Variants in UNC5C observed in about 807,000 individuals in gnomAD.
UNC5C encodes unc-5 netrin receptor C, also known as netrin receptor UNC5C.
Under a neutral mutation model 99.8 loss-of-function variants are expected in UNC5C, and 47 were observed. That is an observed-to-expected ratio of 0.47 (90% confidence interval 0.37 to 0.60). The LOEUF is 0.60. UNC5C is among the 20% of genes least tolerant of loss of function. The probability of loss-of-function intolerance (pLI) is 0.00; values close to 1 mark genes in which losing one functional copy is unlikely to be tolerated. For synonymous variants in UNC5C, 487 were observed against 452.2 expected, an observed-to-expected ratio of 1.08 and a Z score of -0.98; for missense variants, 1,062 against 1,165.9, an observed-to-expected ratio of 0.91 and a Z score of 1.30.
Position 95,168,586 on chromosome 4 carries a change from GGAATA to G in UNC5C, c.*643_*647del, listed in dbSNP as rs1735952520. 6.6e-6 allele frequency: 1 copy of G among 152,594 alleles called. No homozygotes were observed. The highest frequency in any genetic ancestry group is 2.4e-5 in the African/African-American group (1 of 41,424). The allele number at this position is 152,594 out of a possible 1,614,324, so 9.5% of individuals were successfully genotyped here. A position where few individuals can be genotyped will look rare whatever the true frequency, so the allele number is the denominator to read the frequency against. On this transcript the variant is annotated 3_prime_UTR_variant, in exon 16 of 16. Coordinates refer to ENST00000453304, the MANE Select transcript of UNC5C (RefSeq NM_003728.4). ...AAGGGCACCAGAAGGGTCCCTCCAA[GGAATA>G]GGAGTCTTAGTTATTTCTTTTTTAC...
chr4:95,498,636 A>C (rs1721689814), intron 1 of UNC5C, among the ~76,000 whole-genome samples: 3 of 151,928 alleles, frequency 2.0e-5, no homozygotes, highest in African/African-American at 7.2e-5. Context: ...TAAAATTTTA[A>C]AAACAGTGAA....
chr4:95,346,087 T>C (rs1743761153), intron 1 of UNC5C, among the ~76,000 whole-genome samples: 2 of 151,620 alleles, frequency 1.3e-5, no homozygotes, highest in African/African-American at 4.8e-5. Flanking sequence ...TCAAGTTTTT[T>C]GAAAAAGGAG....
chr4:95,535,953 A>G (rs1404972678), intron 1 of UNC5C, among the ~76,000 whole-genome samples: 2 of 152,036 alleles, frequency 1.3e-5, no homozygotes, highest in African/African-American at 4.8e-5. Flanking sequence ...TTAAAAAATG[A>G]AAGTTATTAA....
chr4:95,201,808 G>T (rs1737676774), intron 12 of UNC5C, among the ~76,000 whole-genome samples: 1 of 152,110 alleles, frequency 6.6e-6, no homozygotes, highest in Non-Finnish European at 1.5e-5. Context: ...GTTTCACCGT[G>T]TTAGCCAGGA....
At position 95,401,481 on chromosome 4, in the gene UNC5C, G is replaced by A. The variant is rs150624206; in HGVS notation, c.125-65850C>T. On this transcript the variant is annotated intron_variant, in intron 1 of 15. Transcript: ENST00000453304. ...TGTGCCAGGCTAAGGTTTTTTTGTAGCTTTTTGCAGTGATGAGGGCTTAAT... is the reference window on the plus strand; with the variant it reads ...TGTGCCAGGCTAAGGTTTTTTTGTAACTTTTTGCAGTGATGAGGGCTTAAT... Among the ~76,000 whole-genome samples the A allele has an allele frequency of 5.0e-3, 760 of 151,880 alleles. 5 individuals are homozygous for A. The highest frequency in any genetic ancestry group is 0.034 in the Middle Eastern group (10 of 294).
intron 1 of UNC5C, among the ~76,000 whole-genome samples, chr4:95,513,377 G>A (rs1182252312): frequency 6.6e-6 from 1 of 152,176 alleles, no homozygotes; most frequent in African/African-American, 2.4e-5. Context: ...GAAGGTAATG[G>A]TTGGATAAAC....
At chr4:95,526,811 G>GA (rs1306124012) in intron 1 of UNC5C, among the ~76,000 whole-genome samples, 4 of 151,506 alleles carry the variant, frequency 2.6e-5, no homozygotes, top group East Asian at 1.9e-4. Context: ...CATGTGGATT[G>GA]AAAAAAAATG....
At chr4:95,227,551 T>C (rs780832573) in intron 7 of UNC5C, among the ~76,000 whole-genome samples, 2 of 152,176 alleles carry the variant, frequency 1.3e-5, no homozygotes, top group Admixed American at 6.5e-5. Context: ...AGAAAACCTT[T>C]AAGTGAAGAA....
Position 95,545,062 on chromosome 4 carries a change from A to T in UNC5C, c.124+3672T>A, listed in dbSNP as rs115965278. Reference sequence around the variant, plus strand: ...AATTCTAAATAAGCTAACAGGGTTTACTTAGCAGAGCTCATGCCTTGTTCA... The same window carrying T: ...AATTCTAAATAAGCTAACAGGGTTTTCTTAGCAGAGCTCATGCCTTGTTCA... On this transcript the variant is annotated intron_variant, in intron 1 of 15. Coordinates refer to ENST00000453304, the MANE Select transcript of UNC5C (RefSeq NM_003728.4). 6.6e-3 allele frequency among the ~76,000 whole-genome samples: 1,006 copies of T among 152,334 alleles called. 11 individuals carry two copies. The highest frequency in any genetic ancestry group is 0.023 in the African/African-American group (951 of 41,576).
intron 1 of UNC5C, among the ~76,000 whole-genome samples, chr4:95,451,016 T>C (rs1463322425): frequency 2.0e-5 from 3 of 152,222 alleles, no homozygotes; most frequent in Non-Finnish European, 4.4e-5. Context: ...AAAGTAAAGG[T>C]ATTCATACTG....
intron 10 of UNC5C, among the ~76,000 whole-genome samples, chr4:95,208,494 C>T (rs180907978): frequency 2.4e-4 from 36 of 152,278 alleles, no homozygotes; most frequent in African/African-American, 7.7e-4. Flanking sequence ...AATTTTGGGT[C>T]ATCTATTTCT....
chr4:95,341,416 T>G (rs1171683856), intron 1 of UNC5C, among the ~76,000 whole-genome samples: 1 of 150,300 alleles, frequency 6.7e-6, no homozygotes, highest in African/African-American at 2.4e-5. Flanking sequence ...AAACAAGTTT[T>G]TGGCCAGTTT....
intron 1 of UNC5C, among the ~76,000 whole-genome samples, chr4:95,544,237 T>A (rs1206744341): frequency 2.6e-5 from 4 of 152,164 alleles, no homozygotes; most frequent in Admixed American, 2.6e-4. Context: ...TAGGAAACAT[T>A]GGTAATCACT....
At chr4:95,440,274 T>C (rs1387183247) in intron 1 of UNC5C, among the ~76,000 whole-genome samples, 1 of 152,198 alleles carries the variant, frequency 6.6e-6, no homozygotes, top group African/African-American at 2.4e-5. Flanking sequence ...CTTTGTTCTG[T>C]TTGTTTCCCT....
intron 3 of UNC5C, among the ~76,000 whole-genome samples, chr4:95,299,325 A>C (rs777545748): frequency 2.0e-5 from 3 of 152,138 alleles, no homozygotes; most frequent in Non-Finnish European, 4.4e-5. Flanking sequence ...GGAGAAACCA[A>C]ACCTGCTGAC....
intron 2 of UNC5C, among the ~76,000 whole-genome samples, chr4:95,327,919 G>T (rs10009125): frequency 0.39 from 59,447 of 151,394 alleles, 13,503 homozygotes; most frequent in East Asian, 0.83. Flanking sequence ...ACCCAAAAAG[G>T]CTGTCACACT....
chr4:95,359,695 A>G (rs919503991), intron 1 of UNC5C, among the ~76,000 whole-genome samples: 2 of 152,186 alleles, frequency 1.3e-5, no homozygotes, highest in Non-Finnish European at 2.9e-5. Flanking sequence ...AAAGGAATCT[A>G]GGTACCTCTG....
chr4:95,273,536 G>A (rs964072478), intron 4 of UNC5C, among the ~76,000 whole-genome samples: 1 of 152,114 alleles, frequency 6.6e-6, no homozygotes, highest in African/African-American at 2.4e-5. Context: ...CCAGTTCCAT[G>A]GGTGTATTAA....
chr4:95,250,061 A>G (rs1739636676), intron 5 of UNC5C, among the ~76,000 whole-genome samples: 1 of 152,204 alleles, frequency 6.6e-6, no homozygotes, highest in Non-Finnish European at 1.5e-5. Flanking sequence ...GAGGGCTTAT[A>G]GAAGCAGCAG....
Sources: gnomAD v4.1 joint callset for allele counts (sites outside exome capture counted in the v4.1 genomes callset) on GRCh38, gnomAD v4.1.1 for gene constraint, MANE v1.5 for transcripts, NCBI Gene and HGNC (gene_info 2026-07-23, HGNC 2026-07-21) for gene names.